Variants in IDE observed in about 807,000 individuals in gnomAD.
The protein encoded by IDE is insulin degrading enzyme, also known as insulin-degrading enzyme.
IDE carries 58 observed loss-of-function variants against 133.2 expected under a neutral mutation model. The ratio of observed to expected loss-of-function variants is 0.44; its 90% CI spans 0.35 to 0.54. The LOEUF is 0.54. Ranked by LOEUF, IDE falls within the 20% of genes least tolerant of loss-of-function variation. IDE has a pLI of 0.00. For missense variants in IDE, 981 were observed against 1,234.0 expected, an observed-to-expected ratio of 0.79 and a Z score of 3.07; for synonymous variants, 396 against 421.3, an observed-to-expected ratio of 0.94 and a Z score of 0.73.
In IDE at chr10:92,508,216, C is replaced by G. The variant is rs201227774; in HGVS notation, c.1061-11G>C. 73 of 1,600,946 alleles carry G rather than the reference C, an allele frequency of 4.6e-5. No individual in the cohort carries two copies. Among genetic ancestry groups the G allele is most frequent in the Non-Finnish European group, 6.1e-5 (71 of 1,171,802 alleles). On this transcript the variant is annotated splice_polypyrimidine_tract_variant and intron_variant, in intron 7 of 24. Coordinates refer to ENST00000265986, the MANE Select transcript of IDE (RefSeq NM_004969.4). ...GAGTATTAACCCAGCCTGCAACATT[C>G]AAAGGAAATCAATACGATTGATTGC...
chr10:92,524,407 A>G (rs1849444776), intron 4 of IDE, among the ~76,000 whole-genome samples: 1 of 88,676 alleles, frequency 1.1e-5, no homozygotes, highest in Non-Finnish European at 2.0e-5. Flanking sequence ...AATATATAAT[A>G]TATATTATAT....
intron 21 of IDE, among the ~76,000 whole-genome samples, chr10:92,461,518 G>T (rs543473098): frequency 1.3e-4 from 19 of 151,676 alleles, no homozygotes; most frequent in South Asian, 1.0e-3. Flanking sequence ...AACACGTCTG[G>T]GTAATTTTTA....
At chr10:92,529,460 C>A (rs575172792) in intron 4 of IDE, among the ~76,000 whole-genome samples, 1 of 152,328 alleles carries the variant, frequency 6.6e-6, no homozygotes, top group African/African-American at 2.4e-5. Flanking sequence ...TTGTACTTTG[C>A]TAACTGCCTA....
chr10:92,510,739 AAT>A (rs1361954802), intron 5 of IDE, among the ~76,000 whole-genome samples: 1 of 147,286 alleles, frequency 6.8e-6, no homozygotes, highest in Non-Finnish European at 1.5e-5. Context: ...ACATGTATGA[AAT>A]ATAGCACATA....
At chr10:92,510,652 T>C (rs34662862) in intron 5 of IDE, among the ~76,000 whole-genome samples, 5,430 of 151,586 alleles carry the variant, frequency 0.036, 375 homozygotes, top group African/African-American at 0.12. Flanking sequence ...ACATATATGA[T>C]ATATATCACA....
intron 11 of IDE, among the ~76,000 whole-genome samples, chr10:92,495,917 C>A (rs925042313): frequency 4.6e-5 from 7 of 151,876 alleles, no homozygotes; most frequent in Admixed American, 2.0e-4. Flanking sequence ...CTCTATCCCC[C>A]AGGCTGGAGT....
rs1238893050 is a variant in IDE at position 92,472,996 on chromosome 10, G to A, written c.2116+1845C>T. ...CTCACTCTGTCGCCCAGGCTGGAGT[G>A]CAGTGGCATTATCTCGGCTCACTGT... is the stretch of plus-strand genomic sequence containing the variant. On this transcript the variant is annotated intron_variant, in intron 17 of 24. Coordinates refer to ENST00000265986, the MANE Select transcript of IDE (RefSeq NM_004969.4). Among the ~76,000 whole-genome samples the A allele has an allele frequency of 2.0e-5, 3 of 147,338 alleles. No individual in the cohort carries two copies. The East Asian group carries it at 6.0e-4, about 30-fold the overall frequency.
intron 14 of IDE, among the ~76,000 whole-genome samples, chr10:92,479,980 C>A (rs1846511232): frequency 6.6e-6 from 1 of 152,004 alleles, no homozygotes; most frequent in African/African-American, 2.4e-5. Flanking sequence ...AGAGAACTGT[C>A]AGTAAAATAA....
intron 11 of IDE, among the ~76,000 whole-genome samples, chr10:92,491,617 T>TG (rs1847348798): frequency 1.3e-5 from 2 of 148,664 alleles, no homozygotes; most frequent in Non-Finnish European, 3.0e-5. Flanking sequence ...TTGTTTTTGT[T>TG]TTTTTTTTTT....
chr10:92,513,574 A>G (rs1329026887), intron 5 of IDE, among the ~76,000 whole-genome samples: 3 of 151,838 alleles, frequency 2.0e-5, no homozygotes, highest in Admixed American at 6.6e-5. Context: ...CATATAGCAC[A>G]TGTTTTTGTA....
In IDE at chr10:92,537,662, GA is replaced by G. The variant is rs796712736; in HGVS notation, c.99-113del. The G allele has an allele frequency of 6.0e-5, 45 of 745,830 alleles. No individual in the cohort carries two copies. In the African/African-American group the frequency reaches 7.7e-4, roughly 13 times the overall value. 46.2% of individuals were successfully genotyped at this position (745,830 alleles called of 1,614,324 possible). A position where few individuals can be genotyped will look rare whatever the true frequency, so the allele number is the denominator to read the frequency against. On this transcript the variant is annotated intron_variant, in intron 1 of 24. Transcript: ENST00000265986. ...CATCAGATTTTTCTAAATGCTGAAGGAAACCTTTTATAGCCACTCTACAGGG... is the reference window on the plus strand; with the variant it reads ...CATCAGATTTTTCTAAATGCTGAAGGAACCTTTTATAGCCACTCTACAGGG...
intron 1 of IDE, among the ~76,000 whole-genome samples, chr10:92,571,598 T>C (rs74151655): frequency 1.4e-3 from 209 of 152,234 alleles, no homozygotes; most frequent in African/African-American, 4.9e-3. Flanking sequence ...TTCAGATAAT[T>C]CCACACAGTC....
At chr10:92,569,168 G>A (rs566206621) in intron 1 of IDE, among the ~76,000 whole-genome samples, 3 of 152,336 alleles carry the variant, frequency 2.0e-5, no homozygotes, top group South Asian at 2.1e-4. Flanking sequence ...AGGGCATCTC[G>A]GAATTGGGAA....
chr10:92,572,498 C>T (rs1236552054), intron 1 of IDE, among the ~76,000 whole-genome samples: 1 of 152,180 alleles, frequency 6.6e-6, no homozygotes, highest in Non-Finnish European at 1.5e-5. Flanking sequence ...CAACAGGTTT[C>T]TCTGCCTTAG....
chr10:92,542,729 G>A lies in IDE; in HGVS notation c.99-5179C>T, dbSNP rs189857469. ...TCAAAGTAGAAGGGAATTCGTGAGC[G>A]AAGCCTGACAATGAGGAAAAAGCAT... On this transcript the variant is annotated intron_variant, in intron 1 of 24. Transcript: ENST00000265986. Among the ~76,000 whole-genome samples the A allele has an allele frequency of 7.9e-5, 12 of 152,304 alleles. No individual in the cohort carries two copies. The East Asian group carries it at 1.2e-3, about 15-fold the overall frequency.
chr10:92,508,597 A>G lies in IDE; in HGVS notation c.1060+131T>C, dbSNP rs1054075067. Reference sequence around the variant, plus strand: ...AAAAGGCAACAGCGTGCCAACAACCACCATCTCACTCACTAACCCAAAATG... The same window carrying G: ...AAAAGGCAACAGCGTGCCAACAACCGCCATCTCACTCACTAACCCAAAATG... On this transcript the variant is annotated intron_variant, in intron 7 of 24. Transcript: ENST00000265986. The G allele has an allele frequency of 1.6e-5, 11 of 697,978 alleles. No individual in the cohort carries two copies. The African/African-American group carries it at 2.0e-4, about 13-fold the overall frequency. 43.2% of individuals were successfully genotyped at this position (697,978 alleles called of 1,614,324 possible).
At chr10:92,478,822 A>G in intron 15 of IDE, 1 of 1,147,812 alleles carries the variant, frequency 8.7e-7, no homozygotes, top group East Asian at 6.5e-5. Context: ...AAATGCTTTG[A>G]TACCTCAAGC....
At position 92,479,581 on chromosome 10, in the gene IDE, G is replaced by A. The variant is rs1331714428; in HGVS notation, c.1740-160C>T. 11 of 600,348 alleles carry A rather than the reference G, an allele frequency of 1.8e-5. No homozygotes were observed. In the South Asian group the frequency reaches 2.0e-4, roughly 11 times the overall value. 37.2% of individuals were successfully genotyped at this position (600,348 alleles called of 1,614,324 possible). A position where few individuals can be genotyped will look rare whatever the true frequency, so the allele number is the denominator to read the frequency against. On this transcript the variant is annotated intron_variant, in intron 14 of 24. Coordinates refer to ENST00000265986, the MANE Select transcript of IDE (RefSeq NM_004969.4). ...TTCTTATGAGGAAAAAAAAGAAGATGTCTGAAAAAGAAGCCTGAAGTGTGT... is the reference window on the plus strand; with the variant it reads ...TTCTTATGAGGAAAAAAAAGAAGATATCTGAAAAAGAAGCCTGAAGTGTGT...
chr10:92,474,232 T>C (rs116180329), intron 17 of IDE, among the ~76,000 whole-genome samples: 448 of 152,136 alleles, frequency 2.9e-3, no homozygotes, highest in African/African-American at 0.01. Context: ...ATCCAGCTAA[T>C]AGTTTTATTA....
Sources: allele counts gnomAD v4.1 joint callset (sites outside exome capture counted in the v4.1 genomes callset), GRCh38; gene constraint gnomAD v4.1.1; transcripts MANE v1.5; gene names NCBI Gene and HGNC (gene_info 2026-07-23, HGNC 2026-07-21).